SDK1: variants seen among roughly 807,000 people sequenced by gnomAD.
SDK1 encodes sidekick cell adhesion molecule 1.
SDK1 carries 157 observed loss-of-function variants against 245.5 expected under a neutral mutation model. The ratio of observed to expected loss-of-function variants is 0.64; its 90% CI spans 0.56 to 0.73. The LOEUF is 0.73. Among genes scored for constraint, SDK1 ranks in the 30% least tolerant of loss-of-function variants. SDK1 has a pLI of 0.00. For synonymous variants in SDK1, 1,647 were observed against 1,278.5 expected, an observed-to-expected ratio of 1.29 and a Z score of -6.15; for missense variants, 3,583 against 3,002.3, an observed-to-expected ratio of 1.19 and a Z score of -4.52.
At chr7:4,257,281 T>G (rs1787693965) in intron 44 of SDK1, among the ~76,000 whole-genome samples, 2 of 152,208 alleles carry the variant, frequency 1.3e-5, no homozygotes, top group African/African-American at 4.8e-5. Context: ...CTGTGCACCT[T>G]TAGAAACTCT....
chr7:3,535,752 C>A (rs184178038), intron 1 of SDK1, among the ~76,000 whole-genome samples: 1 of 152,042 alleles, frequency 6.6e-6, no homozygotes, highest in Non-Finnish European at 1.5e-5. Flanking sequence ...TACATAAATA[C>A]ATGTAGTTAA....
chr7:3,585,335 A>C (rs1393020453), intron 1 of SDK1, among the ~76,000 whole-genome samples: 1 of 152,236 alleles, frequency 6.6e-6, no homozygotes, highest in Non-Finnish European at 1.5e-5. Flanking sequence ...TAGTTGATGA[A>C]GTGAATCAGA....
At chr7:4,262,628 C>T (rs986428384) in intron 44 of SDK1, among the ~76,000 whole-genome samples, 1 of 150,428 alleles carries the variant, frequency 6.6e-6, no homozygotes, top group Non-Finnish European at 1.5e-5. Flanking sequence ...CCCTCCCCAC[C>T]CTCGGAGGTC....
chr7:3,354,083 C>G (rs539791991), intron 1 of SDK1, among the ~76,000 whole-genome samples: 1 of 151,556 alleles, frequency 6.6e-6, no homozygotes, highest in Non-Finnish European at 1.5e-5. Context: ...AGCTCCGCCT[C>G]CTGGGTTCAC....
chr7:3,446,600 C>T (rs1467392607), intron 1 of SDK1, among the ~76,000 whole-genome samples: 1 of 152,128 alleles, frequency 6.6e-6, no homozygotes, highest in African/African-American at 2.4e-5. Flanking sequence ...TAATAAGTCT[C>T]TGCTTTTAAT....
intron 1 of SDK1, among the ~76,000 whole-genome samples, chr7:3,399,289 G>C (rs975112977): frequency 2.6e-5 from 4 of 151,870 alleles, no homozygotes; most frequent in Non-Finnish European, 4.4e-5. Flanking sequence ...CAATTCCAGA[G>C]TTTTAATTTT....
chr7:3,671,630 T>G (rs1189193682), intron 4 of SDK1, among the ~76,000 whole-genome samples: 1 of 152,202 alleles, frequency 6.6e-6, no homozygotes, highest in Non-Finnish European at 1.5e-5. Flanking sequence ...GTGAAGAGTG[T>G]TTAAAATAAA....
chr7:3,571,533 G>C (rs57462209), intron 1 of SDK1, among the ~76,000 whole-genome samples: 37,924 of 151,764 alleles, frequency 0.25, 5,170 homozygotes, highest in East Asian at 0.35. Flanking sequence ...TTAAACTCCT[G>C]AGCTCAAGTG....
intron 1 of SDK1, among the ~76,000 whole-genome samples, chr7:3,452,176 G>T (rs940663100): frequency 1.3e-5 from 2 of 152,142 alleles, no homozygotes; most frequent in Admixed American, 6.6e-5. Context: ...GGCTTTTGTC[G>T]TGTCAGCTTT....
At chr7:3,907,747 C>A (rs372260084) in intron 5 of SDK1, among the ~76,000 whole-genome samples, 2 of 152,198 alleles carry the variant, frequency 1.3e-5, no homozygotes, top group African/African-American at 4.8e-5. Flanking sequence ...GAGGGTCTTA[C>A]ATCATCCCTC....
rs558249325 is a variant in SDK1, at chr7:3,537,398, C to G, written c.299-81682C>G. Reference sequence around the variant, plus strand: ...CCTCAGGTCCATGTGCCCCTGAGCTCTTTCCCCTAATCCTGTGTGTGCCGC... The same window carrying G: ...CCTCAGGTCCATGTGCCCCTGAGCTGTTTCCCCTAATCCTGTGTGTGCCGC... On this transcript the variant is annotated intron_variant, in intron 1 of 44. Coordinates refer to ENST00000404826, the MANE Select transcript of SDK1 (RefSeq NM_152744.4). Among the ~76,000 whole-genome samples, 5 of 152,316 alleles carry G rather than the reference C, an allele frequency of 3.3e-5. No homozygotes were observed. The East Asian group carries it at 9.7e-4, about 29-fold the overall frequency.
chr7:4,208,793 G>C (rs959988682), intron 37 of SDK1, among the ~76,000 whole-genome samples: 26 of 152,242 alleles, frequency 1.7e-4, no homozygotes, highest in Non-Finnish European at 3.2e-4. Flanking sequence ...CCAGTCCCGA[G>C]GGCTCAGACA....
In SDK1 at chr7:4,110,674, C is replaced by T. The variant is rs201164952; in HGVS notation, c.3336C>T (p.Ile1112=). 39 of 1,612,276 alleles carry T rather than the reference C, an allele frequency of 2.4e-5. No homozygotes were observed. Among genetic ancestry groups the T allele is most frequent in the Middle Eastern group, 1.7e-4 (1 of 5,800 alleles). Residue 1112 remains isoleucine, a synonymous_variant, in exon 23 of 45, where the codon ATC becomes ATT. Coordinates refer to ENST00000404826, the MANE Select transcript of SDK1 (RefSeq NM_152744.4). ...CTCCCTCTGCACAGGTGGGAGCTATCGGCGACGAGGAGGAGTGGGTCACCC... is the reference window on the plus strand; with the variant it reads ...CTCCCTCTGCACAGGTGGGAGCTATTGGCGACGAGGAGGAGTGGGTCACCC... ...RWIVEGQVGA[I]GDEEEWVTLY...
intron 4 of SDK1, among the ~76,000 whole-genome samples, chr7:3,707,430 G>T (rs1314160289): frequency 1.3e-5 from 2 of 152,152 alleles, no homozygotes; most frequent in Non-Finnish European, 2.9e-5. Flanking sequence ...AAGTGATTTT[G>T]ATTTTTAAAA....
chr7:3,809,072 G>A (rs1268532555), intron 4 of SDK1, among the ~76,000 whole-genome samples: 2 of 152,046 alleles, frequency 1.3e-5, no homozygotes, highest in East Asian at 3.9e-4. Context: ...GGGTTGAATT[G>A]GCTCGTAGAT....
intron 5 of SDK1, among the ~76,000 whole-genome samples, chr7:3,949,552 G>C (rs1780714497): frequency 1.3e-5 from 2 of 152,196 alleles, no homozygotes; most frequent in African/African-American, 4.8e-5. Flanking sequence ...CCCAGATGAA[G>C]CGTTTTGCGT....
chr7:3,611,850 A>C (rs1427275060), intron 1 of SDK1, among the ~76,000 whole-genome samples: 1 of 152,170 alleles, frequency 6.6e-6, no homozygotes, highest in African/African-American at 2.4e-5. Context: ...TGATGGGGTG[A>C]AAAGGGAACA....
intron 4 of SDK1, among the ~76,000 whole-genome samples, chr7:3,816,083 T>G (rs28848830): frequency 2.4e-4 from 33 of 137,282 alleles, no homozygotes; most frequent in African/African-American, 9.2e-4. Flanking sequence ...ATCTCTGGGA[T>G]GCATTCAAAG....
intron 28 of SDK1, among the ~76,000 whole-genome samples, chr7:4,136,145 G>A (rs1779074300): frequency 6.6e-6 from 1 of 152,142 alleles, no homozygotes; most frequent in Non-Finnish European, 1.5e-5. Flanking sequence ...GAATCACACA[G>A]CACCGTGTCT....
Sources: allele counts gnomAD v4.1 joint callset (sites outside exome capture counted in the v4.1 genomes callset), GRCh38; gene constraint gnomAD v4.1.1; transcripts MANE v1.5; gene names NCBI Gene and HGNC (gene_info 2026-07-23, HGNC 2026-07-21).